The following HIP1 variants were observed in gnomAD, a reference collection of about 807,000 sequenced individuals.
The protein encoded by HIP1 is huntingtin-interacting protein 1.
In HIP1, 65 loss-of-function variants were observed where a neutral mutation model predicts 147.6. The ratio of observed to expected loss-of-function variants is 0.44; its 90% confidence interval spans 0.36 to 0.54. The LOEUF (loss-of-function observed/expected upper bound fraction) is 0.54, where lower values mean the gene tolerates loss of function less well. Among genes scored for constraint, HIP1 ranks in the 20% least tolerant of loss-of-function variants. The pLI is 0.00. For synonymous variants in HIP1, 479 were observed against 504.0 expected (o/e 0.95, Z 0.67); for missense variants, 1,061 against 1,299.6 (o/e 0.82, Z 2.82).
chr7:75,580,817 C>A (rs1177226163), intron 7 of HIP1, among the ~76,000 whole-genome samples: 2 of 152,116 alleles, frequency 1.3e-5, no homozygotes, highest in African/African-American at 4.8e-5. Context: ...TCTTGGCTCA[C>A]TGCAACCTCG....
chr7:75,682,158 C>T (rs140552054), intron 1 of HIP1, among the ~76,000 whole-genome samples: 1,519 of 150,486 alleles, frequency 0.01, 36 homozygotes, highest in African/African-American at 0.036. Flanking sequence ...GGGGTTTCAC[C>T]GTCTTGGCCA....
chr7:75,569,776 G>GT (rs1424641006), intron 8 of HIP1, among the ~76,000 whole-genome samples: 12 of 152,130 alleles, frequency 7.9e-5, no homozygotes, highest in Non-Finnish European at 1.6e-4. Context: ...ACTCAGAACT[G>GT]TCAAAGTCAT....
At chr7:75,736,469 C>T (rs1178905432) in intron 1 of HIP1, among the ~76,000 whole-genome samples, 1 of 151,666 alleles carries the variant, frequency 6.6e-6, no homozygotes, top group Non-Finnish European at 1.5e-5. Context: ...GTAGTCCCAG[C>T]ACTTTGGGAG....
chr7:75,650,997 A>T (rs1798958824), intron 1 of HIP1, among the ~76,000 whole-genome samples: 1 of 152,152 alleles, frequency 6.6e-6, no homozygotes, highest in South Asian at 2.1e-4. Flanking sequence ...CACACAAAAA[A>T]ACTGATTCTG....
intron 1 of HIP1, among the ~76,000 whole-genome samples, chr7:75,711,885 G>T (rs111656041): frequency 2.6e-5 from 4 of 152,234 alleles, no homozygotes; most frequent in African/African-American, 4.8e-5. Flanking sequence ...GTCTTGGGGT[G>T]AGGGGGCAGC....
At chr7:75,647,774 C>T (rs1425065155) in intron 1 of HIP1, among the ~76,000 whole-genome samples, 1 of 152,216 alleles carries the variant, frequency 6.6e-6, no homozygotes, top group Non-Finnish European at 1.5e-5. Context: ...TTTAGGGAGG[C>T]ACCATGCACT....
At chr7:75,557,609 A>G in intron 16 of HIP1, 45 bp downstream of exon 16, 1 of 1,428,266 alleles carries the variant, frequency 7.0e-7, no homozygotes, top group Non-Finnish European at 9.9e-7. Context: ...CCACCAACTC[A>G]ACAGCCCCCT....
chr7:75,738,544 G>A (rs543059120), intron 1 of HIP1, among the ~76,000 whole-genome samples: 2 of 152,038 alleles, frequency 1.3e-5, no homozygotes, highest in African/African-American at 4.8e-5. Context: ...GTACCCAGCC[G>A]ATCAGGCTCC....
intron 1 of HIP1, among the ~76,000 whole-genome samples, chr7:75,698,975 G>A (rs1390142321): frequency 6.6e-6 from 1 of 152,126 alleles, no homozygotes; most frequent in African/African-American, 2.4e-5. Context: ...GTGGGAGCTA[G>A]GCAGTGGGAG....
intron 1 of HIP1, among the ~76,000 whole-genome samples, chr7:75,637,693 A>G (rs1798474636): frequency 6.6e-6 from 1 of 151,322 alleles, no homozygotes; most frequent in African/African-American, 2.4e-5. Flanking sequence ...AAAGATAGGA[A>G]CCCAAATAAA....
intron 1 of HIP1, among the ~76,000 whole-genome samples, chr7:75,729,181 A>C (rs116702029): frequency 0.094 from 14,127 of 149,618 alleles, 812 homozygotes; most frequent in Middle Eastern, 0.14. Flanking sequence ...AAAAAAGAAG[A>C]AGCATTGTTG....
Position 75,539,347 on chromosome 7 carries a change from C to T in HIP1, c.3037G>A (p.Gly1013Ser), listed in dbSNP as rs1324094726. The T allele has an allele frequency of 5.0e-6, 8 of 1,613,922 alleles. No individual in the cohort carries two copies. Among genetic ancestry groups the T allele is most frequent in the East Asian group, 2.2e-5 (1 of 44,892 alleles). The change falls in exon 30 of 31, where the codon GGT (glycine) becomes AGT (serine). Residue 1013 changes from glycine to serine, a missense_variant. This residue lies in a region of HIP1 where 810 missense variants were observed against 946.8 expected (regional missense o/e 0.86). Coordinates refer to ENST00000336926, the MANE Select transcript of HIP1 (RefSeq NM_005338.7). ...ELRKKHYELA[G>S]VAEGWEEGTE... is the part of the protein sequence containing the mutation. ...CCTTCTTCCCAGCCCTCAGCAACACCAGCAAGCTCGTAGTGCTTTTTCCGA... is the reference window on the plus strand; with the variant it reads ...CCTTCTTCCCAGCCCTCAGCAACACTAGCAAGCTCGTAGTGCTTTTTCCGA...
In HIP1 at chr7:75,554,525, A is replaced by G. The variant is rs1554492819; in HGVS notation, c.1965T>C (p.Asp655=). The G allele has an allele frequency of 1.9e-6, 3 of 1,613,048 alleles. No individual in the cohort carries two copies. The South Asian group carries it at 3.3e-5, about 18-fold the overall frequency. The change falls in exon 20 of 31, where the codon GAT becomes GAC. Residue 655 remains aspartate (D), a splice_region_variant and synonymous_variant. Transcript: ENST00000336926. Reference sequence around the variant, plus strand: ...TGGATGTGACCGTGGAGAGGAGGTGATCTGTGAGAGGGAACACAGGGCAAG... The same window carrying G: ...TGGATGTGACCGTGGAGAGGAGGTGGTCTGTGAGAGGGAACACAGGGCAAG... ...PPLISCAGSA[D]HLLSTVTSIS...
In HIP1 at chr7:75,698,331, G is replaced by A. The variant is rs527394838; in HGVS notation, c.120+40470C>T. 6.1e-4 allele frequency among the ~76,000 whole-genome samples: 93 copies of A among 152,074 alleles called. 1 individual carries two copies. The highest frequency in any genetic ancestry group is 1.2e-3 in the Non-Finnish European group (85 of 68,032). ...AACAAGTTTAGTAGGTATCTACTAT[G>A]TCCACTTACACATGAAGAAACTGAG... On this transcript the variant is annotated intron_variant, in intron 1 of 30. Coordinates refer to ENST00000336926, the MANE Select transcript of HIP1 (RefSeq NM_005338.7).
At chr7:75,607,529 T>TA (rs140305342) in intron 1 of HIP1, among the ~76,000 whole-genome samples, 253 of 107,372 alleles carry the variant, frequency 2.4e-3, no homozygotes, top group Middle Eastern at 8.8e-3. Flanking sequence ...ATGCCCAGCC[T>TA]AAAAAAAAAA....
intron 1 of HIP1, among the ~76,000 whole-genome samples, chr7:75,659,833 A>G (rs1347430423): frequency 2.0e-5 from 3 of 152,044 alleles, no homozygotes; most frequent in African/African-American, 7.2e-5. Flanking sequence ...GATGTAAAAT[A>G]ACTCAGGTTC....
chr7:75,722,023 G>T (rs892343666), intron 1 of HIP1, among the ~76,000 whole-genome samples: 2 of 152,232 alleles, frequency 1.3e-5, no homozygotes, highest in Admixed American at 6.5e-5. Context: ...ATAACTGCAC[G>T]CTAGGCGTGG....
intron 1 of HIP1, among the ~76,000 whole-genome samples, chr7:75,649,964 C>CCA (rs1554511722): frequency 6.6e-6 from 1 of 152,140 alleles, no homozygotes; most frequent in Admixed American, 6.6e-5. Context: ...TGGTCCCTTT[C>CCA]CACAGATTTG....
intron 6 of HIP1, 63 bp downstream of exon 6, chr7:75,582,012 T>A: frequency 7.3e-7 from 1 of 1,365,834 alleles, no homozygotes; most frequent in South Asian, 1.2e-5. Context: ...ATGACCCTTA[T>A]GAGAAGTGTC....
Sources: allele counts gnomAD v4.1 joint callset (sites outside exome capture counted in the v4.1 genomes callset), GRCh38; gene constraint gnomAD v4.1.1; regional missense constraint gnomAD v4.1.1; transcripts MANE v1.5; gene names NCBI Gene and HGNC (gene_info 2026-07-23, HGNC 2026-07-21).